KHDRBS2: variants seen among roughly 807,000 people sequenced by gnomAD.
KHDRBS2 encodes KH domain-containing, RNA-binding, signal transduction-associated protein 2.
KHDRBS2 carries 26 observed loss-of-function variants against 44.3 expected under a neutral mutation model. The observed-to-expected ratio is 0.59, with a 90% CI of 0.43 to 0.81. The LOEUF (loss-of-function observed/expected upper bound fraction) is 0.81. Among genes scored for constraint, KHDRBS2 ranks in the 40% least tolerant of loss-of-function variants. KHDRBS2 has a pLI of 0.00. For synonymous variants in KHDRBS2, 194 were observed against 151.1 expected (o/e 1.28, Z -2.08); for missense variants, 476 against 433.1 (o/e 1.10, Z -0.88).
intron 2 of KHDRBS2, among the ~76,000 whole-genome samples, chr6:62,157,426 C>T (rs1816700859): frequency 6.6e-6 from 1 of 152,142 alleles, no homozygotes; most frequent in African/African-American, 2.4e-5. Flanking sequence ...CAACATATAT[C>T]CAACTAACTG....
chr6:61,688,347 C>T (rs1767038330), intron 8 of KHDRBS2, among the ~76,000 whole-genome samples: 1 of 151,832 alleles, frequency 6.6e-6, no homozygotes, highest in Non-Finnish European at 1.5e-5. Flanking sequence ...CTAAAACGTA[C>T]TTTCATTATT....
At chr6:62,212,942 C>T (rs1371529603) in intron 1 of KHDRBS2, among the ~76,000 whole-genome samples, 1 of 151,984 alleles carries the variant, frequency 6.6e-6, no homozygotes, top group Non-Finnish European at 1.5e-5. Context: ...TAGAAAATCA[C>T]CTACTAGAAG....
chr6:61,921,722 C>T (rs910200995), intron 4 of KHDRBS2, among the ~76,000 whole-genome samples: 7 of 151,874 alleles, frequency 4.6e-5, no homozygotes, highest in Admixed American at 1.3e-4. Context: ...CTAATACATT[C>T]GATTATTTAT....
At chr6:61,715,745 T>C (rs1470450946) in intron 7 of KHDRBS2, among the ~76,000 whole-genome samples, 2 of 151,958 alleles carry the variant, frequency 1.3e-5, no homozygotes, top group Non-Finnish European at 1.5e-5. Context: ...CTCTGTATTT[T>C]AGTAAGTCCT....
At chr6:61,787,985 G>C (rs1784065413) in intron 6 of KHDRBS2, among the ~76,000 whole-genome samples, 2 of 151,540 alleles carry the variant, frequency 1.3e-5, no homozygotes, top group Admixed American at 1.3e-4. Flanking sequence ...CATTGTTAGA[G>C]ACATTCTAAT....
chr6:61,981,404 C>A (rs1461613084), intron 3 of KHDRBS2, among the ~76,000 whole-genome samples: 1 of 151,558 alleles, frequency 6.6e-6, no homozygotes, highest in Admixed American at 6.6e-5. Context: ...TTTATGTTAA[C>A]ATTTATCACA....
At chr6:62,134,063 G>T (rs396074) in intron 2 of KHDRBS2, among the ~76,000 whole-genome samples, 26,248 of 152,154 alleles carry the variant, frequency 0.17, 2,588 homozygotes, top group African/African-American at 0.27. Flanking sequence ...GCATAAATTT[G>T]CATAAGTAAT....
the KHDRBS2 span, among the ~76,000 whole-genome samples, chr6:61,592,107 C>A: frequency 6.9e-6 from 1 of 145,472 alleles, no homozygotes; most frequent in Non-Finnish European, 1.5e-5. Flanking sequence ...GGGAAGATGG[C>A]TTGAGACCAG....
intron 6 of KHDRBS2, among the ~76,000 whole-genome samples, chr6:61,797,214 G>A (rs1256883552): frequency 6.6e-6 from 1 of 152,162 alleles, no homozygotes; most frequent in Non-Finnish European, 1.5e-5. Context: ...CAGTAAAAAA[G>A]AAATTGAGTG....
chr6:61,684,328 C>T (rs188822484), intron 8 of KHDRBS2, among the ~76,000 whole-genome samples: 31 of 151,994 alleles, frequency 2.0e-4, no homozygotes, highest in Non-Finnish European at 1.5e-5. Context: ...GGATTCTAAC[C>T]TGAGTCCCAT....
At chr6:61,727,818 G>A (rs1442871500) in intron 7 of KHDRBS2, among the ~76,000 whole-genome samples, 1 of 152,114 alleles carries the variant, frequency 6.6e-6, no homozygotes, top group Non-Finnish European at 1.5e-5. Flanking sequence ...CTTTTACACT[G>A]TTGGTGGGAG....
intron 2 of KHDRBS2, among the ~76,000 whole-genome samples, chr6:62,114,067 T>A (rs2150077255): frequency 6.6e-6 from 1 of 152,062 alleles, no homozygotes; most frequent in South Asian, 2.1e-4. Context: ...TATAAAACCA[T>A]CAGATCTCAT....
chr6:61,710,153 A>C (rs1770267334), intron 7 of KHDRBS2, among the ~76,000 whole-genome samples: 1 of 151,682 alleles, frequency 6.6e-6, no homozygotes, highest in Non-Finnish European at 1.5e-5. Flanking sequence ...ATGTGAGTTG[A>C]CAACAATGAT....
chr6:61,782,750 T>A (rs151253545), intron 6 of KHDRBS2, among the ~76,000 whole-genome samples: 3 of 138,876 alleles, frequency 2.2e-5, no homozygotes, highest in Non-Finnish European at 4.7e-5. Flanking sequence ...CACACACACA[T>A]ATACATATAC....
intron 4 of KHDRBS2, among the ~76,000 whole-genome samples, chr6:61,914,323 G>A (rs1219958939): frequency 6.6e-6 from 1 of 152,064 alleles, no homozygotes; most frequent in Non-Finnish European, 1.5e-5. Flanking sequence ...CACTGAGCTG[G>A]AAAAGTTACT....
chr6:61,961,715 A>C (rs1768773840), intron 4 of KHDRBS2, among the ~76,000 whole-genome samples: 1 of 152,092 alleles, frequency 6.6e-6, no homozygotes, highest in African/African-American at 2.4e-5. Flanking sequence ...AAAAGGTTAG[A>C]GTGACCAGAG....
intron 8 of KHDRBS2, among the ~76,000 whole-genome samples, chr6:61,684,622 G>A (rs1432753654): frequency 6.6e-6 from 1 of 151,312 alleles, no homozygotes; most frequent in East Asian, 2.0e-4. Flanking sequence ...TATCCTTTAG[G>A]GAAATGATAA....
intron 4 of KHDRBS2, among the ~76,000 whole-genome samples, chr6:61,956,951 G>C (rs1200176361): frequency 2.5e-5 from 3 of 122,188 alleles, no homozygotes; most frequent in Non-Finnish European, 3.4e-5. Flanking sequence ...TCTGTTGTGG[G>C]AAGTCAGGGA....
chr6:61,779,135 A>G, intron 6 of KHDRBS2, among the ~76,000 whole-genome samples: 1 of 152,198 alleles, frequency 6.6e-6, no homozygotes, highest in East Asian at 1.9e-4. Flanking sequence ...AACAATAGTA[A>G]GATACAACTT....
Sources: allele counts gnomAD v4.1 joint callset (sites outside exome capture counted in the v4.1 genomes callset), GRCh38; gene constraint gnomAD v4.1.1; transcripts MANE v1.5; gene names NCBI Gene and HGNC (gene_info 2026-07-23, HGNC 2026-07-21).